The following ASB13 variants were observed in gnomAD, a reference collection of about 807,000 sequenced individuals.
ASB13 encodes ankyrin repeat and SOCS box protein 13.
A neutral mutation model predicts 28.8 loss-of-function variants in ASB13; 33 were observed. The ratio of observed to expected loss-of-function variants is 1.15; its 90% CI spans 0.87 to 1.53. ASB13 has a LOEUF of 1.53. Among genes scored for constraint, ASB13 ranks in the 40% most tolerant of loss-of-function variants. The probability of loss-of-function intolerance (pLI) is 0.00; values close to 1 mark genes in which losing one functional copy is unlikely to be tolerated. For missense variants in ASB13, 414 were observed against 390.1 expected, an observed-to-expected ratio of 1.06 and a Z score of -0.52; for synonymous variants, 182 against 172.9, an observed-to-expected ratio of 1.05 and a Z score of -0.41.
chr10:5,645,279 T>G lies in ASB13; in HGVS notation c.518-3318A>C, dbSNP rs1243120354. 6.6e-6 allele frequency among the ~76,000 whole-genome samples: 1 copy of G among 151,972 alleles called. No homozygotes were observed. The highest frequency in any genetic ancestry group is 2.4e-5 in the African/African-American group (1 of 41,422). Reference sequence around the variant, plus strand: ...ATTTAAAAAATTATAATTAAAAAATTTTTTAAAAATTAAACAACAATTTTA... The same window carrying G: ...ATTTAAAAAATTATAATTAAAAAATGTTTTAAAAATTAAACAACAATTTTA... On this transcript the variant is annotated intron_variant, in intron 4 of 5. Coordinates refer to ENST00000357700, the MANE Select transcript of ASB13 (RefSeq NM_024701.4). The surrounding 1 kb of genome is among the most constrained non-coding windows in gnomAD (Gnocchi z 5.4).
rs186462729 is a variant in ASB13 at position 5,643,793 on chromosome 10, A to G, written c.518-1832T>C. On this transcript the variant is annotated intron_variant, in intron 4 of 5. Transcript: ENST00000357700. ...ATTAATTCTGGCAATATTCTTGCCA[A>G]TTGGGAGAGAAAGAGATGGTCTCTA... Among the ~76,000 whole-genome samples, 620 of 152,346 alleles carry G rather than the reference A, an allele frequency of 4.1e-3. 5 individuals are homozygous for G. Among genetic ancestry groups the G allele is most frequent in the Non-Finnish European group, 3.7e-3 (252 of 68,030 alleles).
rs565065810 is a variant in ASB13, at chr10:5,656,471, G to A, written c.44-3421C>T. Among the ~76,000 whole-genome samples the A allele has an allele frequency of 2.0e-5, 3 of 151,872 alleles. No homozygotes were observed. The highest frequency in any genetic ancestry group is 4.4e-5 in the Non-Finnish European group (3 of 67,984). On this transcript the variant is annotated intron_variant, in intron 1 of 5. Transcript: ENST00000357700. The surrounding 1 kb of genome is among the most constrained non-coding windows in gnomAD (Gnocchi z 4.3). The stretch of plus-strand genomic sequence containing the variant: ...GCAGAATCGCTTGAACCCAGGAGGC[G>A]GAGATTGCAGTGAGCTGAGATCGCA...
At position 5,651,523 on chromosome 10, in the gene ASB13, G is replaced by T; in HGVS notation, c.232-160C>A. 1 of 764,902 alleles carries T rather than the reference G, an allele frequency of 1.3e-6. No homozygotes were observed. The highest frequency in any genetic ancestry group is 1.9e-5 in the South Asian group (1 of 52,262). The allele number at this position is 764,902 out of a possible 1,614,324, so 47.4% of individuals were successfully genotyped here. ...ACGACACTGAAAGAGATAGCACGTG[G>T]CTGCGGAGCACCGACGGCCTCCTGA... On this transcript the variant is annotated intron_variant, in intron 2 of 5. Coordinates refer to ENST00000357700, the MANE Select transcript of ASB13 (RefSeq NM_024701.4). This position sits in a 1 kb window ranked among gnomAD's most constrained non-coding sequence, Gnocchi z 5.1.
At position 5,666,589 on chromosome 10, in the gene ASB13, G is replaced by C. The variant is rs1023658913; in HGVS notation, c.-38C>G. 1.8e-6 allele frequency: 2 copies of C among 1,110,142 alleles called. No individual in the cohort carries two copies. Among genetic ancestry groups the C allele is most frequent in the East Asian group, 5.2e-5 (1 of 19,356 alleles). 68.8% of individuals were successfully genotyped at this position (1,110,142 alleles called of 1,614,324 possible). On this transcript the variant is annotated 5_prime_UTR_variant, in exon 1 of 6. Transcript: ENST00000357700. Reference sequence around the variant, plus strand: ...CGGCCGCGCGGCGACTCTGGGCGCCGGGACCTGGGCCGGGCCGCGCGGGGC... The same window carrying C: ...CGGCCGCGCGGCGACTCTGGGCGCCCGGACCTGGGCCGGGCCGCGCGGGGC...
rs1375584484 is a variant in ASB13 at position 5,656,555 on chromosome 10, G to C, written c.44-3505C>G. Among the ~76,000 whole-genome samples, 1 of 138,856 alleles carries C rather than the reference G, an allele frequency of 7.2e-6. No homozygotes were observed. Among genetic ancestry groups the C allele is most frequent in the African/African-American group, 2.6e-5 (1 of 38,502 alleles). 91.1% of individuals were successfully genotyped at this position (138,856 alleles called of 152,430 possible). Reference sequence around the variant, plus strand: ...CTCCGTCTCAAGAAAAAAAAAAAAAGTCTGTAGCAGTGAAACAGCAAAAGA... The same window carrying C: ...CTCCGTCTCAAGAAAAAAAAAAAAACTCTGTAGCAGTGAAACAGCAAAAGA... On this transcript the variant is annotated intron_variant, in intron 1 of 5. Coordinates refer to ENST00000357700, the MANE Select transcript of ASB13 (RefSeq NM_024701.4). This position sits in a 1 kb window ranked among gnomAD's most constrained non-coding sequence, Gnocchi z 4.3.
Position 5,661,527 on chromosome 10 carries a change from C to T in ASB13, c.43+4982G>A, listed in dbSNP as rs1484741718. On this transcript the variant is annotated intron_variant, in intron 1 of 5. Transcript: ENST00000357700. This position sits in a 1 kb window ranked among gnomAD's most constrained non-coding sequence, Gnocchi z 4.9. ...TTTATTTATTTTTGAAACAGGGTCT[C>T]GCTGTCACCCAAGCTGAAGTGCAGT... is the stretch of plus-strand genomic sequence containing the variant. 5.3e-5 allele frequency among the ~76,000 whole-genome samples: 8 copies of T among 152,140 alleles called. 1 individual carries two copies. Among genetic ancestry groups the T allele is most frequent in the Admixed American group, 2.6e-4 (4 of 15,266 alleles).
chr10:5,666,591 G>A lies in ASB13; in HGVS notation c.-40C>T, dbSNP rs1835265524. ...GCCGCGCGGCGACTCTGGGCGCCGG[G>A]ACCTGGGCCGGGCCGCGCGGGGCCG... On this transcript the variant is annotated 5_prime_UTR_variant, in exon 1 of 6. Coordinates refer to ENST00000357700, the MANE Select transcript of ASB13 (RefSeq NM_024701.4). 1 of 1,102,236 alleles carries A rather than the reference G, an allele frequency of 9.1e-7. No homozygotes were observed. Among genetic ancestry groups the A allele is most frequent in the East Asian group, 5.4e-5 (1 of 18,608 alleles). 68.3% of individuals were successfully genotyped at this position (1,102,236 alleles called of 1,614,324 possible). A position where few individuals can be genotyped will look rare whatever the true frequency, so the allele number is the denominator to read the frequency against.
chr10:5,655,046 G>C lies in ASB13; in HGVS notation c.44-1996C>G, dbSNP rs1247491962. On this transcript the variant is annotated intron_variant, in intron 1 of 5. Coordinates refer to ENST00000357700, the MANE Select transcript of ASB13 (RefSeq NM_024701.4). The surrounding 1 kb of genome is among the most constrained non-coding windows in gnomAD (Gnocchi z 6.2). ...GAACCCGGGAGGCGGAGGTTGCAGC[G>C]AGCCCAGATCACGCCACTGCACCAT... Among the ~76,000 whole-genome samples the C allele has an allele frequency of 6.6e-6, 1 of 151,770 alleles. No individual in the cohort carries two copies. The highest frequency in any genetic ancestry group is 1.5e-5 in the Non-Finnish European group (1 of 67,972).
intron 1 of ASB13, among the ~76,000 whole-genome samples, chr10:5,654,337 G>A (rs76310666): frequency 0.012 from 1,795 of 152,036 alleles, 47 homozygotes; most frequent in African/African-American, 0.041. Flanking sequence ...GCCTGGATGT[G>A]AACTTGGACC....
Position 5,652,023 on chromosome 10 carries a change from AAACCACACACAC to A in ASB13, c.232-672_232-661del, listed in dbSNP as rs1834994741. Among the ~76,000 whole-genome samples, 2 of 28,596 alleles carry A rather than the reference AAACCACACACAC, an allele frequency of 7.0e-5. No homozygotes were observed. The highest frequency in any genetic ancestry group is 2.7e-4 in the African/African-American group (2 of 7,306). The allele number at this position is 28,596 out of a possible 152,430, so 18.8% of individuals were successfully genotyped here. A position where few individuals can be genotyped will look rare whatever the true frequency, so the allele number is the denominator to read the frequency against. On this transcript the variant is annotated intron_variant, in intron 2 of 5. Transcript: ENST00000357700. The surrounding 1 kb of genome is among the most constrained non-coding windows in gnomAD (Gnocchi z 5.0). ...TCTCAAAAAAAAAAAAAAAAAAAAA[AAACCACACACAC>A]ACACACACACACACACACACACACA...
In ASB13 at chr10:5,666,546, C is replaced by G. The variant is rs1469584109; in HGVS notation, c.6G>C (p.Glu2Asp). Residue 2 changes from glutamate (E) to aspartate (D), a missense_variant, in exon 1 of 6, where the codon GAG becomes GAC. Glu to Asp is a conservative substitution (Grantham distance 45). Transcript: ENST00000357700. Reference protein sequence around the residue: MEPRAADGCFLG... With the variant: MDPRAADGCFLG... ...GGAAGCAGCCGTCCGCCGCCCGGGGCTCCATGCGGCTCACCGGCGGCCGCG... is the reference window on the plus strand; with the variant it reads ...GGAAGCAGCCGTCCGCCGCCCGGGGGTCCATGCGGCTCACCGGCGGCCGCG... 1.7e-6 allele frequency: 2 copies of G among 1,209,948 alleles called. No homozygotes were observed. Among genetic ancestry groups the G allele is most frequent in the Non-Finnish European group, 2.1e-6 (2 of 971,384 alleles). The allele number at this position is 1,209,948 out of a possible 1,614,324, so 75.0% of individuals were successfully genotyped here.
At chr10:5,653,401 C>G (rs1332784773) in intron 1 of ASB13, among the ~76,000 whole-genome samples, 1 of 152,250 alleles carries the variant, frequency 6.6e-6, no homozygotes, top group Non-Finnish European at 1.5e-5. Flanking sequence ...CAATTGTCCA[C>G]TCTGCAATTT....
chr10:5,651,062 C>T lies in ASB13; in HGVS notation c.382+151G>A. ...GCTTAGAATCTCTGCAGCTGAGCCA[C>T]CAGGAGCCAGAAACAGACTCAGAAC... On this transcript the variant is annotated intron_variant, in intron 3 of 5. Transcript: ENST00000357700. The surrounding 1 kb of genome is among the most constrained non-coding windows in gnomAD (Gnocchi z 5.1). 9.5e-7 allele frequency: 1 copy of T among 1,051,922 alleles called. No individual in the cohort carries two copies. Among genetic ancestry groups the T allele is most frequent in the Non-Finnish European group, 1.3e-6 (1 of 742,058 alleles). The allele number at this position is 1,051,922 out of a possible 1,614,324, so 65.2% of individuals were successfully genotyped here. A position where few individuals can be genotyped will look rare whatever the true frequency, so the allele number is the denominator to read the frequency against.
rs2131441291 is a variant in ASB13, at chr10:5,642,702, A to G, written c.518-741T>C. 2 of 313,884 alleles carry G rather than the reference A, an allele frequency of 6.4e-6. No individual in the cohort carries two copies. Among genetic ancestry groups the G allele is most frequent in the South Asian group, 5.5e-5 (2 of 36,660 alleles). The allele number at this position is 313,884 out of a possible 1,614,324, so 19.4% of individuals were successfully genotyped here. On this transcript the variant is annotated intron_variant, in intron 4 of 5. Coordinates refer to ENST00000357700, the MANE Select transcript of ASB13 (RefSeq NM_024701.4). This position sits in a 1 kb window ranked among gnomAD's most constrained non-coding sequence, Gnocchi z 4.1. ...CACTCTGTTGCCCAGGCTGGAGTGC[A>G]GTGACATGATCTCGGCTCACTGCAA...
At position 5,639,612 on chromosome 10, in the gene ASB13, C is replaced by A. The variant is rs1225053750; in HGVS notation, c.*1091G>T. 7.6e-6 allele frequency: 1 copy of A among 132,446 alleles called. No homozygotes were observed. Among genetic ancestry groups the A allele is most frequent in the Non-Finnish European group, 1.7e-5 (1 of 60,148 alleles). The allele number at this position is 132,446 out of a possible 1,614,324, so 8.2% of individuals were successfully genotyped here. A position where few individuals can be genotyped will look rare whatever the true frequency, so the allele number is the denominator to read the frequency against. On this transcript the variant is annotated 3_prime_UTR_variant, in exon 6 of 6. Transcript: ENST00000357700. ...CCTATGGCTTATAATGCAGAACGAC[C>A]TGTTTCTATCACTGCAGGACGGGAT...
intron 1 of ASB13, among the ~76,000 whole-genome samples, chr10:5,654,868 G>A (rs930717197): frequency 3.3e-5 from 5 of 152,200 alleles, no homozygotes; most frequent in Non-Finnish European, 5.9e-5. Flanking sequence ...AGGCTGAGGC[G>A]GGCGGATCAC....
rs1247491962 is a variant in ASB13 at position 5,655,046 on chromosome 10, G to A, written c.44-1996C>T. ...GAACCCGGGAGGCGGAGGTTGCAGCGAGCCCAGATCACGCCACTGCACCAT... is the reference window on the plus strand; with the variant it reads ...GAACCCGGGAGGCGGAGGTTGCAGCAAGCCCAGATCACGCCACTGCACCAT... On this transcript the variant is annotated intron_variant, in intron 1 of 5. Transcript: ENST00000357700. The surrounding 1 kb of genome is among the most constrained non-coding windows in gnomAD (Gnocchi z 6.2). Among the ~76,000 whole-genome samples, 4 of 151,770 alleles carry A rather than the reference G, an allele frequency of 2.6e-5. No homozygotes were observed. The highest frequency in any genetic ancestry group is 3.9e-4 in the East Asian group (2 of 5,190).
In ASB13 at chr10:5,657,332, C is replaced by CA. The variant is rs1005833143; in HGVS notation, c.44-4283dup. Reference sequence around the variant, plus strand: ...ATAAAGAACTCCTGCAACTCAAAAACAAAAAAAACAAATAACCAGGTTTAA... The same window carrying CA: ...ATAAAGAACTCCTGCAACTCAAAAACAAAAAAAAACAAATAACCAGGTTTAA... On this transcript the variant is annotated intron_variant, in intron 1 of 5. Transcript: ENST00000357700. 9.1e-4 allele frequency among the ~76,000 whole-genome samples: 137 copies of CA among 150,238 alleles called. 1 individual carries two copies. Among genetic ancestry groups the CA allele is most frequent in the African/African-American group, 3.1e-3 (127 of 40,910 alleles).
In ASB13 at chr10:5,653,000, T is replaced by C. The variant is rs556929057; in HGVS notation, c.94A>G (p.Ser32Gly). ...TCGATCAGCTGTTGCAGCTGCAGGC[T>C]CTCACCCCGCTGGGCTGCCTCGTGC... ...PVHEAAQRGE[S>G]LQLQQLIESG... Residue 32 changes from serine to glycine, a missense_variant, in exon 2 of 6, where the codon AGC becomes GGC. Ser to Gly is a moderately conservative substitution (Grantham distance 56). Coordinates refer to ENST00000357700, the MANE Select transcript of ASB13 (RefSeq NM_024701.4). The surrounding 1 kb of genome is among the most constrained non-coding windows in gnomAD (Gnocchi z 5.0). 5.8e-6 allele frequency: 9 copies of C among 1,552,378 alleles called. No individual in the cohort carries two copies. The South Asian group carries it at 1.1e-4, about 18-fold the overall frequency.
Sources: allele counts gnomAD v4.1 joint callset (sites outside exome capture counted in the v4.1 genomes callset), GRCh38; gene constraint gnomAD v4.1.1; non-coding constraint Gnocchi (gnomAD v3.1); transcripts MANE v1.5; gene names NCBI Gene and HGNC (gene_info 2026-07-23, HGNC 2026-07-21).